Variants in SRSF5 observed in about 807,000 individuals in gnomAD.
The protein encoded by SRSF5 is serine and arginine rich splicing factor 5.
Under a neutral mutation model 34.0 loss-of-function variants are expected in SRSF5, and 5 were observed. That is an observed-to-expected ratio of 0.15 (90% confidence interval 0.08 to 0.31). The LOEUF is 0.31. SRSF5 is among the 10% of genes least tolerant of loss of function. The pLI is 1.00. For missense variants in SRSF5, 223 were observed against 351.4 expected (o/e 0.63, Z 2.92); for synonymous variants, 164 against 117.7 (o/e 1.39, Z -2.55).
intron 5 of SRSF5, 38 bp downstream of exon 5, chr14:69,769,289 C>T (rs753340789): frequency 5.7e-5 from 91 of 1,608,764 alleles, no homozygotes; most frequent in Middle Eastern, 5.0e-4. Context: ...TTTGATGTGG[C>T]TTTTTAAAAA....
chr14:69,771,452 T>A lies in SRSF5; in HGVS notation c.810T>A (p.Ser270Arg). The A allele has an allele frequency of 6.2e-7, 1 of 1,614,050 alleles. No homozygotes were observed. The highest frequency in any genetic ancestry group is 8.5e-7 in the Non-Finnish European group (1 of 1,179,900). The change falls in exon 8 of 8, where the codon AGT (serine) becomes AGA (arginine). Residue 270 changes from serine (S) to arginine (R), a missense_variant. Ser to Arg is a moderately radical substitution (Grantham distance 110, BLOSUM62 -1). Around this residue, in one of 4 missense-constraint regions of SRSF5, gnomAD observed 115 missense variants for 119.7 expected, o/e 0.96. Coordinates refer to ENST00000557154, the MANE Select transcript of SRSF5 (RefSeq NM_001320214.2). Reference sequence around the variant, plus strand: ...GATCAAGGTCCAGATCAGTTGACAGTGGCAATTAAACTGTAAATAACTTGC... The same window carrying A: ...GATCAAGGTCCAGATCAGTTGACAGAGGCAATTAAACTGTAAATAACTTGC... ...RSRSRSRSVD[S>R]GN
Position 69,771,777 on chromosome 14 carries a change from T to G in SRSF5, c.*316T>G, listed in dbSNP as rs1373491605. The G allele has an allele frequency of 2.0e-5, 5 of 248,866 alleles. No individual in the cohort carries two copies. The South Asian group carries it at 2.3e-4, about 11-fold the overall frequency. The allele number at this position is 248,866 out of a possible 1,614,324, so 15.4% of individuals were successfully genotyped here. A position where few individuals can be genotyped will look rare whatever the true frequency, so the allele number is the denominator to read the frequency against. The stretch of plus-strand genomic sequence containing the variant: ...AATTTTTTTGTACTAGAAAAAAATT[T>G]GAACATTTTAGTTCTTGGTTATAAA... On this transcript the variant is annotated 3_prime_UTR_variant, in exon 8 of 8. Transcript: ENST00000557154.
chr14:69,769,571 T>C, intron 5 of SRSF5: 3 of 1,535,474 alleles, frequency 2.0e-6, no homozygotes, highest in Non-Finnish European at 1.7e-6. Flanking sequence ...ATCGTTGTCT[T>C]GGTCACTCTT....
chr14:69,769,853 T>TGCTCGAGTAGAACATGTCTGCGG (rs1360501110), intron 5 of SRSF5: 1 of 1,259,628 alleles, frequency 7.9e-7, no homozygotes, highest in African/African-American at 1.5e-5. Flanking sequence ...CCTTGGTAAC[T>TGCTCGAGTAGAACATGTCTGCGG]GCTCGAGTAG....
chr14:69,770,661 C>A, intron 6 of SRSF5, 121 bp downstream of exon 6: 2 of 917,616 alleles, frequency 2.2e-6, no homozygotes, highest in Non-Finnish European at 3.4e-6. Flanking sequence ...GACAATTTTG[C>A]TGCTTCCCTC....
chr14:69,769,532 A>T (rs1211075022), intron 5 of SRSF5: 1 of 1,535,434 alleles, frequency 6.5e-7, no homozygotes, highest in South Asian at 1.2e-5. Context: ...CGTTGGCCTT[A>T]TGACGAGGAG....
intron 4 of SRSF5, 93 bp from the exon 5 acceptor site, chr14:69,769,089 C>T (rs1566626531): frequency 2.1e-6 from 3 of 1,456,136 alleles, no homozygotes; most frequent in Non-Finnish European, 2.9e-6. Context: ...ATTAGAATGG[C>T]TTGTGATATC....
intron 5 of SRSF5, 58 bp from the exon 6 acceptor site, chr14:69,770,409 T>TG: frequency 6.3e-7 from 1 of 1,590,516 alleles, no homozygotes; most frequent in Non-Finnish European, 8.5e-7. Context: ...TTATATCATG[T>TG]GATTGTTTGT....
At chr14:69,768,555 A>G in intron 2 of SRSF5, 49 bp from the exon 3 acceptor site, 1 of 1,554,464 alleles carries the variant, frequency 6.4e-7, no homozygotes, top group Non-Finnish European at 8.9e-7. Context: ...AATGTGTTGT[A>G]GAATACTCTT....
chr14:69,767,239 A>G lies in SRSF5; in HGVS notation c.-36A>G. On this transcript the variant is annotated 5_prime_UTR_variant, in exon 1 of 8. Coordinates refer to ENST00000557154, the MANE Select transcript of SRSF5 (RefSeq NM_001320214.2). ...GGACCTGTCTGGGTCTCAGCCGCCA[A>G]AGACCCCGTCCGGTAGGTGAGTGGC... 1 of 375,196 alleles carries G rather than the reference A, an allele frequency of 2.7e-6. No homozygotes were observed. Among genetic ancestry groups the G allele is most frequent in the Non-Finnish European group, 5.1e-6 (1 of 194,438 alleles). The allele number at this position is 375,196 out of a possible 1,614,324, so 23.2% of individuals were successfully genotyped here.
rs560376597 is a variant in SRSF5 at position 69,769,245 on chromosome 14, C to T, written c.360C>T (p.Ser120=). 1.9e-6 allele frequency: 3 copies of T among 1,614,100 alleles called. No individual in the cohort carries two copies. Among genetic ancestry groups the T allele is most frequent in the South Asian group, 1.1e-5 (1 of 91,068 alleles). The change falls in exon 5 of 8, where the codon AGC becomes AGT. Residue 120 remains serine, a synonymous_variant. Coordinates refer to ENST00000557154, the MANE Select transcript of SRSF5 (RefSeq NM_001320214.2). ...TTGAGAATTTATCCTCAAGAGTCAG[C>T]TGGCAGGTTTGTTGAAATACAGTTT... ...LIVENLSSRV[S]WQDLKDFMRQ...
intron 1 of SRSF5, 102 bp downstream of exon 1, chr14:69,767,357 T>C (rs1017114359): frequency 4.4e-6 from 2 of 455,166 alleles, no homozygotes; most frequent in Non-Finnish European, 8.8e-6. Flanking sequence ...GAGGATGGCG[T>C]CTAATGAGCG....
At chr14:69,768,770 A>C in intron 3 of SRSF5, 28 bp from the exon 4 acceptor site, 1 of 1,612,920 alleles carries the variant, frequency 6.2e-7, no homozygotes, top group South Asian at 1.1e-5. Flanking sequence ...TTAAGTGTGT[A>C]ACGGAGATTT....
chr14:69,767,363 G>A, intron 1 of SRSF5, 108 bp downstream of exon 1: 1 of 455,986 alleles, frequency 2.2e-6, no homozygotes, highest in Non-Finnish European at 4.4e-6. Context: ...GGCGTCTAAT[G>A]AGCGCAGTTG....
intron 1 of SRSF5, 44 bp from the exon 2 acceptor site, chr14:69,768,094 G>C (rs1882754379): frequency 6.2e-7 from 1 of 1,605,598 alleles, no homozygotes; most frequent in African/African-American, 1.3e-5. Flanking sequence ...GCGTTTCTCT[G>C]TGACAGTCAT....
chr14:69,769,030 C>T lies in SRSF5; in HGVS notation c.296+134C>T, dbSNP rs145938921. 550 of 1,279,214 alleles carry T rather than the reference C, an allele frequency of 4.3e-4. 2 individuals are homozygous for T. The African/African-American group carries it at 7.1e-3, about 16-fold the overall frequency. The allele number at this position is 1,279,214 out of a possible 1,614,324, so 79.2% of individuals were successfully genotyped here. On this transcript the variant is annotated intron_variant, in intron 4 of 7. Coordinates refer to ENST00000557154, the MANE Select transcript of SRSF5 (RefSeq NM_001320214.2). ...TCTATTCCCACGTTAGCCAGTTGTT[C>T]TTGATGAATCTATATGAGTCATAGA...
intron 1 of SRSF5, chr14:69,767,757 C>T (rs1040398055): frequency 2.0e-5 from 7 of 351,958 alleles, no homozygotes; most frequent in East Asian, 7.9e-5. Context: ...GGCTTCCACC[C>T]GCTGTGACGC....
chr14:69,767,177 G>A lies in SRSF5; in HGVS notation c.-98G>A. ...GAGTGGCGTAGACGAGTTAAGTCCTGGTCTGCGTGGAGGTCGACGACTCCG... is the reference window on the plus strand; with the variant it reads ...GAGTGGCGTAGACGAGTTAAGTCCTAGTCTGCGTGGAGGTCGACGACTCCG... On this transcript the variant is annotated 5_prime_UTR_variant, in exon 1 of 8. Coordinates refer to ENST00000557154, the MANE Select transcript of SRSF5 (RefSeq NM_001320214.2). The A allele has an allele frequency of 2.8e-6, 1 of 354,688 alleles. No individual in the cohort carries two copies. The highest frequency in any genetic ancestry group is 5.5e-6 in the Non-Finnish European group (1 of 180,284). The allele number at this position is 354,688 out of a possible 1,614,324, so 22.0% of individuals were successfully genotyped here. A position where few individuals can be genotyped will look rare whatever the true frequency, so the allele number is the denominator to read the frequency against.
rs1566629802 is a variant in SRSF5, at chr14:69,771,425, C to CCGATCAAGGTCG, written c.794_795insGCGATCAAGGTC (p.Arg264_Ser267dup). ...CTGTGGATCGCCAGAGGTCCCGGTC[C>CCGATCAAGGTCG]CGATCAAGGTCCAGATCAGTTGACA... is the stretch of plus-strand genomic sequence containing the variant. On this transcript the variant is annotated inframe_insertion, in exon 8 of 8. Coordinates refer to ENST00000557154, the MANE Select transcript of SRSF5 (RefSeq NM_001320214.2). 1 of 1,614,092 alleles carries CCGATCAAGGTCG rather than the reference C, an allele frequency of 6.2e-7. No homozygotes were observed. The highest frequency in any genetic ancestry group is 8.5e-7 in the Non-Finnish European group (1 of 1,179,972).
Sources: allele counts gnomAD v4.1 joint callset, GRCh38; gene constraint gnomAD v4.1.1; regional missense constraint gnomAD v4.1.1; transcripts MANE v1.5; gene names NCBI Gene and HGNC (gene_info 2026-07-23, HGNC 2026-07-21).